The following STK31 variants were observed in gnomAD, a reference collection of about 807,000 sequenced individuals.
STK31 encodes serine/threonine-protein kinase 31.
A neutral mutation model predicts 129.7 loss-of-function variants in STK31; 89 were observed. The ratio of observed to expected loss-of-function variants is 0.69; its 90% CI spans 0.58 to 0.82. The LOEUF (loss-of-function observed/expected upper bound fraction) is 0.82. Among genes scored for constraint, STK31 ranks in the 40% least tolerant of loss-of-function variants. STK31 has a pLI of 0.00. For synonymous variants in STK31, 448 were observed against 395.3 expected, an observed-to-expected ratio of 1.13 and a Z score of -1.58; for missense variants, 1,187 against 1,176.4, an observed-to-expected ratio of 1.01 and a Z score of -0.13.
intron 21 of STK31, among the ~76,000 whole-genome samples, chr7:23,790,607 G>A (rs1791557749): frequency 6.6e-6 from 1 of 152,034 alleles, no homozygotes; most frequent in South Asian, 2.1e-4. Context: ...ATCTGTTCAA[G>A]TCTACAAAGT....
At chr7:23,803,798 A>G (rs1295671370) in intron 22 of STK31, among the ~76,000 whole-genome samples, 1 of 152,172 alleles carries the variant, frequency 6.6e-6, no homozygotes, top group Non-Finnish European at 1.5e-5. Context: ...ATGAGTTCTC[A>G]ACATTTAGTG....
At chr7:23,781,244 T>C (rs1031964242) in intron 15 of STK31, among the ~76,000 whole-genome samples, 175 bp from the exon 16 acceptor site, 6 of 152,218 alleles carry the variant, frequency 3.9e-5, no homozygotes, top group Admixed American at 6.5e-5. Flanking sequence ...GAAAAGTCAT[T>C]GTTAGAATAA....
At chr7:23,821,988 C>T (rs1312267636) in intron 23 of STK31, among the ~76,000 whole-genome samples, 1 of 152,064 alleles carries the variant, frequency 6.6e-6, no homozygotes, top group Non-Finnish European at 1.5e-5. Context: ...CAATTCTATT[C>T]TATAGGTGCA....
chr7:23,796,321 C>A (rs1042445625), intron 22 of STK31, among the ~76,000 whole-genome samples: 1 of 151,232 alleles, frequency 6.6e-6, no homozygotes, highest in African/African-American at 2.4e-5. Context: ...GTAATCTATT[C>A]TTTATATCAG....
At chr7:23,730,878 A>ATATATATATATATATATATTTTTT in intron 6 of STK31, among the ~76,000 whole-genome samples, 1 of 59,548 alleles carries the variant, frequency 1.7e-5, no homozygotes, top group Non-Finnish European at 3.3e-5. Context: ...ATATATATAT[A>ATATATATATATATATATATTTTTT]TTTTTTTTTT....
At chr7:23,798,319 A>G (rs550823961) in intron 22 of STK31, among the ~76,000 whole-genome samples, 1 of 152,180 alleles carries the variant, frequency 6.6e-6, no homozygotes, top group African/African-American at 2.4e-5. Context: ...TCAGGCCAAT[A>G]TCCCTGATGA....
intron 22 of STK31, among the ~76,000 whole-genome samples, chr7:23,792,687 C>A (rs1791713340): frequency 1.3e-5 from 2 of 151,928 alleles, no homozygotes; most frequent in South Asian, 2.1e-4. Flanking sequence ...ATTGAAGGAC[C>A]CAAACTACCT....
chr7:23,737,175 A>G, intron 8 of STK31, 97 bp downstream of exon 8: 7 of 1,123,036 alleles, frequency 6.2e-6, no homozygotes, highest in Non-Finnish European at 8.2e-6. Context: ...TTCCTTCCCC[A>G]CCTCATTCTC....
chr7:23,712,006 C>A, intron 1 of STK31, 93 bp from the exon 2 acceptor site: 1 of 1,097,838 alleles, frequency 9.1e-7, no homozygotes, highest in Non-Finnish European at 1.3e-6. Context: ...GCATTTAGGA[C>A]AAAACATTTG....
At chr7:23,777,220 G>T (rs914561691) in intron 15 of STK31, among the ~76,000 whole-genome samples, 1 of 152,118 alleles carries the variant, frequency 6.6e-6, no homozygotes, top group African/African-American at 2.4e-5. Flanking sequence ...TTTTCCATTT[G>T]CCAGGAAGTG....
At chr7:23,727,370 C>T in intron 5 of STK31, 55 bp downstream of exon 5, 1 of 1,523,634 alleles carries the variant, frequency 6.6e-7, no homozygotes, top group Admixed American at 1.7e-5. Flanking sequence ...TATTGTGGTT[C>T]AAAAATTTGA....
chr7:23,797,039 G>A (rs1269798326), intron 22 of STK31, among the ~76,000 whole-genome samples: 2 of 152,066 alleles, frequency 1.3e-5, no homozygotes, highest in Non-Finnish European at 2.9e-5. Flanking sequence ...AATGGAAAAG[G>A]GATCAACGCA....
At position 23,828,363 on chromosome 7, in the gene STK31, G is replaced by A. The variant is rs185258053; in HGVS notation, c.2830-3773G>A. ...TGAGATTGCTGTGCTAGCAATGAGC[G>A]AGGCTCCTTGGGCGTAGGACCTTCC... On this transcript the variant is annotated intron_variant, in intron 23 of 23. Transcript: ENST00000355870. 2.6e-3 allele frequency among the ~76,000 whole-genome samples: 390 copies of A among 152,318 alleles called. 3 individuals carry two copies. Among genetic ancestry groups the A allele is most frequent in the Non-Finnish European group, 4.8e-3 (324 of 68,028 alleles).
intron 10 of STK31, among the ~76,000 whole-genome samples, chr7:23,762,480 T>C (rs760216355): frequency 2.6e-5 from 4 of 151,996 alleles, no homozygotes; most frequent in Non-Finnish European, 4.4e-5. Context: ...GAGTTGAGAA[T>C]GGGATGGGAA....
rs1008241168 is a variant in STK31, at chr7:23,782,488, A to G, written c.2067+968A>G. ...CCCTGTCTCAAAAAAAAAAAAAAAA[A>G]AAAAGAAAAGAAAAGAAAGTAATAA... On this transcript the variant is annotated intron_variant, in intron 16 of 23. Coordinates refer to ENST00000355870, the MANE Select transcript of STK31 (RefSeq NM_031414.5). Among the ~76,000 whole-genome samples, 372 of 150,882 alleles carry G rather than the reference A, an allele frequency of 2.5e-3. 1 individual carries two copies. Among genetic ancestry groups the G allele is most frequent in the African/African-American group, 7.3e-3 (298 of 41,022 alleles).
chr7:23,710,223 T>A lies in STK31; in HGVS notation c.-63T>A, dbSNP rs1455585292. The A allele has an allele frequency of 1.1e-5, 17 of 1,610,964 alleles. No individual in the cohort carries two copies. The Admixed American group carries it at 1.7e-4, about 16-fold the overall frequency. On this transcript the variant is annotated 5_prime_UTR_variant, in exon 1 of 24. Transcript: ENST00000355870. ...CAGGCGCAGTGTGGGGCCCTTGCGGTCGAAGCTCACGCGGTAAGCCGCTGC... is the reference window on the plus strand; with the variant it reads ...CAGGCGCAGTGTGGGGCCCTTGCGGACGAAGCTCACGCGGTAAGCCGCTGC...
intron 8 of STK31, among the ~76,000 whole-genome samples, chr7:23,740,645 C>G (rs1788001909): frequency 6.8e-6 from 1 of 146,008 alleles, no homozygotes; most frequent in Non-Finnish European, 1.5e-5. Context: ...TCCTTCACCA[C>G]TCCCCCCACC....
At chr7:23,752,364 T>G (rs1005437214) in intron 8 of STK31, among the ~76,000 whole-genome samples, 68 of 152,058 alleles carry the variant, frequency 4.5e-4, no homozygotes, top group South Asian at 2.9e-3. Context: ...TTTTTTTTTT[T>G]TTTGAGACAG....
intron 6 of STK31, among the ~76,000 whole-genome samples, chr7:23,731,534 T>A (rs1238191717): frequency 2.6e-5 from 4 of 152,208 alleles, no homozygotes; most frequent in African/African-American, 7.2e-5. Flanking sequence ...TTAGTTTATC[T>A]AACATTTGAA....
Sources: allele counts gnomAD v4.1 joint callset (sites outside exome capture counted in the v4.1 genomes callset), GRCh38; gene constraint gnomAD v4.1.1; transcripts MANE v1.5; gene names NCBI Gene and HGNC (gene_info 2026-07-23, HGNC 2026-07-21).